Variants in OPCML observed in about 807,000 individuals in gnomAD.
OPCML encodes the protein opioid binding protein/cell adhesion molecule like.
In OPCML, 13 loss-of-function variants were observed where a neutral mutation model predicts 37.8. The ratio of observed to expected loss-of-function variants is 0.34; its 90% confidence interval spans 0.22 to 0.55. The LOEUF (loss-of-function observed/expected upper bound fraction) is 0.55, where lower values mean the gene tolerates loss of function less well. OPCML is among the 20% of genes least tolerant of loss of function. The pLI, the probability that OPCML is intolerant of heterozygous loss-of-function variation, is 0.91. For synonymous variants in OPCML, 176 were observed against 168.8 expected, an observed-to-expected ratio of 1.04 and a Z score of -0.33; for missense variants, 341 against 435.6, an observed-to-expected ratio of 0.78 and a Z score of 1.93.
At chr11:132,747,514 C>G (rs893925930) in intron 2 of OPCML, among the ~76,000 whole-genome samples, 1 of 152,124 alleles carries the variant, frequency 6.6e-6, no homozygotes, top group Non-Finnish European at 1.5e-5. Flanking sequence ...TTTGGTGACT[C>G]CAGGAACTGG....
intron 1 of OPCML, among the ~76,000 whole-genome samples, chr11:133,302,884 A>C (rs1942814816): frequency 6.6e-6 from 1 of 152,184 alleles, no homozygotes; most frequent in South Asian, 2.1e-4. Context: ...CATTTAAATA[A>C]ATTTAATTAA....
intron 1 of OPCML, chr11:133,005,790 A>C (rs1055961223): frequency 1.5e-5 from 15 of 984,646 alleles, no homozygotes; most frequent in Non-Finnish European, 1.8e-5. Flanking sequence ...AACTCCTTCA[A>C]TTAGGAGATG....
chr11:132,892,455 C>T lies in OPCML; in HGVS notation c.146+50471G>A, dbSNP rs570069502. 2.6e-5 allele frequency among the ~76,000 whole-genome samples: 4 copies of T among 152,216 alleles called. No homozygotes were observed. In the East Asian group the frequency reaches 7.7e-4, roughly 29 times the overall value. The stretch of plus-strand genomic sequence containing the variant: ...TCGATGTGCATTACAAAGAGAGAGG[C>T]CCTTTCTCGCTTTCAAAAGTAAAGT... On this transcript the variant is annotated intron_variant, in intron 2 of 7. Coordinates refer to ENST00000524381, the MANE Select transcript of OPCML (RefSeq NM_001012393.5).
At chr11:133,207,556 C>G (rs896880216) in intron 1 of OPCML, among the ~76,000 whole-genome samples, 2 of 152,174 alleles carry the variant, frequency 1.3e-5, no homozygotes, top group African/African-American at 2.4e-5. Flanking sequence ...CTAAGCCTCA[C>G]TTTTTCCATC....
intron 4 of OPCML, among the ~76,000 whole-genome samples, chr11:132,473,995 C>A (rs987309443): frequency 4.6e-5 from 7 of 152,128 alleles, no homozygotes; most frequent in African/African-American, 1.7e-4. Flanking sequence ...ACTTGCCAGG[C>A]CTCAGGTATG....
At chr11:133,079,931 G>A (rs1217616359) in intron 1 of OPCML, among the ~76,000 whole-genome samples, 1 of 152,192 alleles carries the variant, frequency 6.6e-6, no homozygotes, top group Non-Finnish European at 1.5e-5. Context: ...TTTTCACAAA[G>A]CAGCTCATTG....
At chr11:133,006,166 C>A (rs574423599) in intron 1 of OPCML, 1 of 973,168 alleles carries the variant, frequency 1.0e-6, no homozygotes, top group African/African-American at 1.8e-5. Context: ...CTACTGAGGT[C>A]GAGCCTTGGG....
intron 1 of OPCML, among the ~76,000 whole-genome samples, chr11:133,357,944 G>A (rs774238556): frequency 9.9e-5 from 15 of 152,116 alleles, no homozygotes; most frequent in Admixed American, 9.2e-4. Context: ...TCCCGGGGAA[G>A]TCATCTGCAC....
chr11:132,420,554 C>T (rs1278057438), intron 7 of OPCML, among the ~76,000 whole-genome samples: 3 of 152,192 alleles, frequency 2.0e-5, no homozygotes, highest in Non-Finnish European at 4.4e-5. Flanking sequence ...GTCATTGAGG[C>T]CCGTGGGCCC....
intron 1 of OPCML, among the ~76,000 whole-genome samples, chr11:133,042,057 C>T (rs1025795766): frequency 6.6e-6 from 1 of 152,166 alleles, no homozygotes; most frequent in Non-Finnish European, 1.5e-5. Context: ...TGGGGGGAGC[C>T]TGCTTATTCC....
In OPCML at chr11:132,722,804, C is replaced by T. The variant is rs573857496; in HGVS notation, c.147-65485G>A. 2.0e-5 allele frequency among the ~76,000 whole-genome samples: 3 copies of T among 152,286 alleles called. No individual in the cohort carries two copies. In the South Asian group the frequency reaches 6.2e-4, roughly 32 times the overall value. ...TGAGAGGTCAGATCTCCCAGGCTGG[C>T]CCTTGCAGCGAAAGGTGAAGTTTTA... On this transcript the variant is annotated intron_variant, in intron 2 of 7. Coordinates refer to ENST00000524381, the MANE Select transcript of OPCML (RefSeq NM_001012393.5).
intron 3 of OPCML, among the ~76,000 whole-genome samples, chr11:132,572,222 G>T (rs1389540335): frequency 6.6e-6 from 1 of 151,644 alleles, no homozygotes; most frequent in African/African-American, 2.4e-5. Flanking sequence ...TCCCTTGGTT[G>T]CCTGTTTATG....
At chr11:132,720,195 T>C (rs1247469094) in intron 2 of OPCML, among the ~76,000 whole-genome samples, 1 of 152,214 alleles carries the variant, frequency 6.6e-6, no homozygotes, top group Non-Finnish European at 1.5e-5. Flanking sequence ...GGTAAAGTCA[T>C]GTTTTGGCCT....
chr11:133,037,190 T>C (rs1410929530), intron 1 of OPCML, among the ~76,000 whole-genome samples: 2 of 152,308 alleles, frequency 1.3e-5, no homozygotes, highest in Non-Finnish European at 2.9e-5. Context: ...ACAAGACTTA[T>C]TTGGGTCAAT....
At position 132,911,487 on chromosome 11, in the gene OPCML, T is replaced by C. The variant is rs553953552; in HGVS notation, c.146+31439A>G. On this transcript the variant is annotated intron_variant, in intron 2 of 7. Coordinates refer to ENST00000524381, the MANE Select transcript of OPCML (RefSeq NM_001012393.5). The stretch of plus-strand genomic sequence containing the variant: ...TCATCAAGACATCCCGAGGAGAGTT[T>C]GCCTGATTGTCTCGGGAACTCTCCT... 2.6e-5 allele frequency among the ~76,000 whole-genome samples: 4 copies of C among 152,350 alleles called. No individual in the cohort carries two copies. The South Asian group carries it at 6.2e-4, about 24-fold the overall frequency.
At chr11:132,875,893 A>G (rs918034733) in intron 2 of OPCML, among the ~76,000 whole-genome samples, 2 of 152,226 alleles carry the variant, frequency 1.3e-5, no homozygotes, top group African/African-American at 4.8e-5. Flanking sequence ...TTCAAGCATC[A>G]ACAACCATAT....
chr11:133,040,572 C>T (rs1189576722), intron 1 of OPCML, among the ~76,000 whole-genome samples: 1 of 152,148 alleles, frequency 6.6e-6, no homozygotes, highest in African/African-American at 2.4e-5. Context: ...AACGGCTTTA[C>T]TGAGGACTTG....
intron 1 of OPCML, among the ~76,000 whole-genome samples, chr11:133,056,320 T>G (rs187084644): frequency 2.0e-5 from 3 of 152,194 alleles, no homozygotes; most frequent in African/African-American, 7.2e-5. Flanking sequence ...TCAGTGAACA[T>G]GAATACAGAA....
chr11:132,478,253 A>G (rs932002224), intron 4 of OPCML, among the ~76,000 whole-genome samples: 1 of 152,212 alleles, frequency 6.6e-6, no homozygotes, highest in African/African-American at 2.4e-5. Context: ...CATTTTCTAA[A>G]TCTCAATTTT....
Sources: gnomAD v4.1 joint callset for allele counts (sites outside exome capture counted in the v4.1 genomes callset) on GRCh38, gnomAD v4.1.1 for gene constraint, MANE v1.5 for transcripts, NCBI Gene and HGNC (gene_info 2026-07-23, HGNC 2026-07-21) for gene names.